Variants in TBCK observed in about 807,000 individuals in gnomAD.
The protein encoded by TBCK is TBC domain-containing protein kinase-like protein.
In TBCK, 99 loss-of-function variants were observed where a neutral mutation model predicts 113.4. The observed-to-expected ratio is 0.87, with a 90% CI of 0.74 to 1.03. The LOEUF is 1.03. TBCK is among the 50% of genes least tolerant of loss of function. The pLI is 0.00. For missense variants in TBCK, 1,045 were observed against 1,061.3 expected (o/e 0.98, Z 0.21); for synonymous variants, 369 against 370.8 (o/e 1.00, Z 0.05).
At chr4:106,286,266 T>C (rs1765095555) in intron 3 of TBCK, among the ~76,000 whole-genome samples, 2 of 152,170 alleles carry the variant, frequency 1.3e-5, no homozygotes, top group Admixed American at 1.3e-4. Flanking sequence ...ATCATGTAAA[T>C]TTTGCATTTA....
chr4:106,059,322 A>G (rs1053719766), intron 25 of TBCK, among the ~76,000 whole-genome samples: 3 of 151,732 alleles, frequency 2.0e-5, no homozygotes, highest in African/African-American at 7.3e-5. Context: ...TTTTTAACCA[A>G]TTGAAGGGTT....
intron 2 of TBCK, among the ~76,000 whole-genome samples, chr4:106,299,403 T>A (rs1413257631): frequency 6.6e-6 from 1 of 152,242 alleles, no homozygotes; most frequent in African/African-American, 2.4e-5. Flanking sequence ...ATTAACCATT[T>A]TAAATTGGAT....
chr4:106,236,429 G>GA lies in TBCK; in HGVS notation c.1310_1311insT (p.Gln438ProfsTer4). 6.4e-7 allele frequency: 1 copy of GA among 1,558,046 alleles called. No individual in the cohort carries two copies. The highest frequency in any genetic ancestry group is 1.8e-5 in the Admixed American group (1 of 55,472). ...CGAAGAGAATAATTCTATTTAGTTG[G>GA]TACTCTGTATCCTTCTCTCTGATGA... On this transcript the variant is annotated frameshift_variant, in exon 14 of 26. Transcript: ENST00000394708. LOFTEE classifies it high-confidence loss of function.
intron 25 of TBCK, among the ~76,000 whole-genome samples, chr4:106,075,774 T>C (rs1377458045): frequency 2.0e-5 from 3 of 152,160 alleles, no homozygotes; most frequent in African/African-American, 7.2e-5. Context: ...TTATACAAGG[T>C]CTGTTTATTA....
At chr4:106,140,569 A>AT (rs1187034984) in intron 23 of TBCK, among the ~76,000 whole-genome samples, 1 of 141,446 alleles carries the variant, frequency 7.1e-6, no homozygotes, top group Admixed American at 7.0e-5. Flanking sequence ...AAGAGTACTT[A>AT]TTATTGTGTA....
At chr4:106,094,444 G>A (rs1740684692) in intron 25 of TBCK, among the ~76,000 whole-genome samples, 1 of 151,914 alleles carries the variant, frequency 6.6e-6, no homozygotes, top group Admixed American at 6.6e-5. Flanking sequence ...GTTCAACAAA[G>A]TGTGGTTATT....
At chr4:106,255,074 A>G in intron 5 of TBCK, 1 of 318,464 alleles carries the variant, frequency 3.1e-6, no homozygotes, top group South Asian at 2.5e-5. Flanking sequence ...AATAGATAAG[A>G]TATAAAGACA....
In TBCK at chr4:106,309,629, T is replaced by C. The variant is rs892263340; in HGVS notation, c.-29-640A>G. Among the ~76,000 whole-genome samples, 3 of 151,710 alleles carry C rather than the reference T, an allele frequency of 2.0e-5. No individual in the cohort carries two copies. In the East Asian group the frequency reaches 5.8e-4, roughly 29 times the overall value. On this transcript the variant is annotated intron_variant, in intron 1 of 25. Transcript: ENST00000394708. ...TAAGGCTCCTCTCTTTACCTAAAGA[T>C]TGAATAACCCACACACCACTGACAA...
intron 3 of TBCK, among the ~76,000 whole-genome samples, chr4:106,294,681 C>G (rs1052549914): frequency 5.9e-5 from 9 of 151,844 alleles, no homozygotes; most frequent in Admixed American, 3.9e-4. Flanking sequence ...CAGGGTTTCA[C>G]CGTGTTAGCC....
At chr4:106,240,995 T>A (rs1760045289) in intron 12 of TBCK, among the ~76,000 whole-genome samples, 1 of 152,032 alleles carries the variant, frequency 6.6e-6, no homozygotes, top group African/African-American at 2.4e-5. Flanking sequence ...CAGCTATACA[T>A]AATAGGTCAA....
intron 3 of TBCK, among the ~76,000 whole-genome samples, chr4:106,270,172 T>A (rs898620572): frequency 6.6e-6 from 1 of 152,186 alleles, no homozygotes; most frequent in Non-Finnish European, 1.5e-5. Flanking sequence ...CATATGTATA[T>A]ATCCTATAAA....
At chr4:106,213,021 A>C (rs1298581537) in intron 19 of TBCK, among the ~76,000 whole-genome samples, 186 bp from the exon 20 acceptor site, 1 of 152,208 alleles carries the variant, frequency 6.6e-6, no homozygotes, top group Non-Finnish European at 1.5e-5. Flanking sequence ...CACACCAACA[A>C]ACTGTCATAA....
Position 106,231,862 on chromosome 4 carries a change from C to G in TBCK, c.1640-83G>C, listed in dbSNP as rs1758893336. 3 of 1,186,234 alleles carry G rather than the reference C, an allele frequency of 2.5e-6. No individual in the cohort carries two copies. The Admixed American group carries it at 6.5e-5, about 26-fold the overall frequency. The allele number at this position is 1,186,234 out of a possible 1,614,324, so 73.5% of individuals were successfully genotyped here. A position where few individuals can be genotyped will look rare whatever the true frequency, so the allele number is the denominator to read the frequency against. ...GATATATACCTTATTCAATTCTTTG[C>G]ATTACCTCCAAGTAGATTAAACATT... On this transcript the variant is annotated intron_variant, in intron 17 of 25. Coordinates refer to ENST00000394708, the MANE Select transcript of TBCK (RefSeq NM_001163435.3).
chr4:106,227,709 A>C (rs1560863276), intron 19 of TBCK, among the ~76,000 whole-genome samples: 1 of 152,086 alleles, frequency 6.6e-6, no homozygotes, highest in Non-Finnish European at 1.5e-5. Context: ...AACAAGATCA[A>C]AAGGATATCT....
intron 24 of TBCK, among the ~76,000 whole-genome samples, chr4:106,097,650 G>A (rs755833668): frequency 1.3e-5 from 2 of 152,076 alleles, no homozygotes; most frequent in Non-Finnish European, 2.9e-5. Flanking sequence ...TATTTACATG[G>A]CCTACAATAC....
At chr4:106,309,438 G>A (rs1021920314) in intron 1 of TBCK, among the ~76,000 whole-genome samples, 14 of 147,636 alleles carry the variant, frequency 9.5e-5, no homozygotes, top group Non-Finnish European at 1.3e-4. Context: ...TCAGCCTCCC[G>A]AGTAGAGGCA....
At chr4:106,286,399 G>A (rs540696539) in intron 3 of TBCK, among the ~76,000 whole-genome samples, 5 of 152,196 alleles carry the variant, frequency 3.3e-5, no homozygotes, top group South Asian at 4.2e-4. Flanking sequence ...AAGATTTGTC[G>A]TCTTTCAAAC....
At chr4:106,165,550 T>C (rs1225190585) in intron 23 of TBCK, among the ~76,000 whole-genome samples, 1 of 151,746 alleles carries the variant, frequency 6.6e-6, no homozygotes, top group East Asian at 1.9e-4. Context: ...AACAGAATAC[T>C]AGAACATCAT....
intron 22 of TBCK, among the ~76,000 whole-genome samples, chr4:106,188,672 A>T (rs1215825609): frequency 6.6e-6 from 1 of 152,194 alleles, no homozygotes; most frequent in Admixed American, 6.5e-5. Flanking sequence ...AAGAACTCAG[A>T]TCTACTCTAA....
Sources: allele counts gnomAD v4.1 joint callset (sites outside exome capture counted in the v4.1 genomes callset), GRCh38; gene constraint gnomAD v4.1.1; transcripts MANE v1.5; gene names NCBI Gene and HGNC (gene_info 2026-07-23, HGNC 2026-07-21).